The following ESRRB variants were observed in gnomAD, a reference collection of about 807,000 sequenced individuals.
The protein encoded by ESRRB is steroid hormone receptor ERR2.
ESRRB carries 16 observed loss-of-function variants against 46.0 expected under a neutral mutation model. That is an observed-to-expected ratio of 0.35 (90% CI 0.24 to 0.53). The LOEUF (loss-of-function observed/expected upper bound fraction) is 0.53, where lower values mean the gene tolerates loss of function less well. Among genes scored for constraint, ESRRB ranks in the 20% least tolerant of loss-of-function variants. ESRRB has a pLI of 0.93. For missense variants in ESRRB, 488 were observed against 607.4 expected, an observed-to-expected ratio of 0.80 and a Z score of 2.07; for synonymous variants, 246 against 259.6, an observed-to-expected ratio of 0.95 and a Z score of 0.50.
intron 2 of ESRRB, among the ~76,000 whole-genome samples, chr14:76,459,393 G>A (rs111953656): frequency 3.0e-3 from 458 of 152,278 alleles, no homozygotes; most frequent in African/African-American, 0.01. Context: ...GAGAAGGAGC[G>A]CCTCCCCATG....
At chr14:76,320,457 C>G (rs1437586111) in intron 1 of ESRRB, among the ~76,000 whole-genome samples, 2 of 152,208 alleles carry the variant, frequency 1.3e-5, no homozygotes, top group African/African-American at 4.8e-5. Flanking sequence ...TCCTGTGCCC[C>G]CCTGGGCAGT....
intron 3 of ESRRB, among the ~76,000 whole-genome samples, chr14:76,465,293 C>G (rs1368435978): frequency 1.3e-5 from 2 of 152,082 alleles, no homozygotes; most frequent in Non-Finnish European, 2.9e-5. Flanking sequence ...TGGGGGAGGT[C>G]GAGAGGGAAC....
Position 76,482,525 on chromosome 14 carries a change from A to T in ESRRB, c.689-73A>T, listed in dbSNP as rs1889848167. The T allele has an allele frequency of 1.3e-6, 2 of 1,554,888 alleles. No individual in the cohort carries two copies. The highest frequency in any genetic ancestry group is 1.4e-5 in the African/African-American group (1 of 73,756). On this transcript the variant is annotated intron_variant, in intron 4 of 6. Transcript: ENST00000644823. This position sits in a 1 kb window ranked among gnomAD's most constrained non-coding sequence, Gnocchi z 4.3. ...CTTAGGAACCCAACTTTGCTTCCTG[A>T]CCCATCTGAGCCTCCACCCCGGCCC...
In ESRRB at chr14:76,482,480, G is replaced by C. The variant is rs548183617; in HGVS notation, c.689-118G>C. 1.0e-6 allele frequency: 1 copy of C among 1,004,732 alleles called. No individual in the cohort carries two copies. The highest frequency in any genetic ancestry group is 1.5e-6 in the Non-Finnish European group (1 of 652,642). The allele number at this position is 1,004,732 out of a possible 1,614,324, so 62.2% of individuals were successfully genotyped here. A position where few individuals can be genotyped will look rare whatever the true frequency, so the allele number is the denominator to read the frequency against. ...CAGAACAGGAGGGGAGATTATAGCCGCTTTGACCTTCCTGGAGCTCTTAGG... is the reference window on the plus strand; with the variant it reads ...CAGAACAGGAGGGGAGATTATAGCCCCTTTGACCTTCCTGGAGCTCTTAGG... On this transcript the variant is annotated intron_variant, in intron 4 of 6. Transcript: ENST00000644823. This position sits in a 1 kb window ranked among gnomAD's most constrained non-coding sequence, Gnocchi z 4.3.
Position 76,492,876 on chromosome 14 carries a change from G to C in ESRRB, c.1120+1160G>C, listed in dbSNP as rs180838457. Among the ~76,000 whole-genome samples, 835 of 152,344 alleles carry C rather than the reference G, an allele frequency of 5.5e-3. 3 individuals are homozygous for C. Among genetic ancestry groups the C allele is most frequent in the Non-Finnish European group, 7.9e-3 (535 of 68,034 alleles). On this transcript the variant is annotated intron_variant, in intron 6 of 6. Transcript: ENST00000644823. The stretch of plus-strand genomic sequence containing the variant: ...TGAATGTAACCAACATCCACACTTA[G>C]AGAGCTTCCACACTATTCAGGGAAT...
chr14:76,436,230 G>A (rs543163056), intron 1 of ESRRB, among the ~76,000 whole-genome samples: 301 of 152,354 alleles, frequency 2.0e-3, no homozygotes, highest in South Asian at 7.5e-3. Context: ...GACGGGTGCA[G>A]GGAGGCAGTT....
intron 1 of ESRRB, among the ~76,000 whole-genome samples, chr14:76,337,515 T>C (rs908595913): frequency 6.6e-6 from 1 of 152,054 alleles, no homozygotes; most frequent in African/African-American, 2.4e-5. Flanking sequence ...GTGGAATCCA[T>C]AGAACCTTCT....
Position 76,332,975 on chromosome 14 carries a change from T to TTTATATATTATATATTTA in ESRRB, c.2+22059_2+22060insTTATATATTATATATTTA, listed in dbSNP as rs1199067026. Among the ~76,000 whole-genome samples the TTTATATATTATATATTTA allele has an allele frequency of 2.3e-4, 10 of 43,672 alleles. 1 individual carries two copies. Among genetic ancestry groups the TTTATATATTATATATTTA allele is most frequent in the Admixed American group, 4.7e-4 (1 of 2,136 alleles). 28.7% of individuals were successfully genotyped at this position (43,672 alleles called of 152,430 possible). On this transcript the variant is annotated intron_variant, in intron 1 of 6. Coordinates refer to the ESRRB transcript ENST00000512784. ...ATATTTACATTATATATATTATATA[T>TTTATATATTATATATTTA]CTATATATTATATATTTACATTATA...
chr14:76,455,573 C>A (rs1888571608), intron 2 of ESRRB, among the ~76,000 whole-genome samples: 1 of 152,230 alleles, frequency 6.6e-6, no homozygotes. Context: ...TGGATCCTAC[C>A]TCTTCCTCTT....
chr14:76,461,374 G>A (rs916921366), intron 2 of ESRRB, among the ~76,000 whole-genome samples: 10 of 152,176 alleles, frequency 6.6e-5, no homozygotes, highest in East Asian at 1.9e-4. Flanking sequence ...TCTATATTGC[G>A]GGGGCTGTGC....
intron 3 of ESRRB, among the ~76,000 whole-genome samples, chr14:76,468,463 G>A (rs1566602962): frequency 7.4e-6 from 1 of 134,904 alleles, no homozygotes; most frequent in East Asian, 2.2e-4. Context: ...GATCTTCCCA[G>A]GCACCCTGAA....
rs191957352 is a variant in ESRRB, at chr14:76,319,562, T to C, written c.2+8646T>C. 3.1e-3 allele frequency among the ~76,000 whole-genome samples: 474 copies of C among 152,344 alleles called. 1 individual carries two copies. The highest frequency in any genetic ancestry group is 4.2e-3 in the Non-Finnish European group (289 of 68,026). On this transcript the variant is annotated intron_variant, in intron 1 of 6. Coordinates refer to the ESRRB transcript ENST00000512784. Reference sequence around the variant, plus strand: ...TTACTATTTACTCTAGGGCACTCAATTGAGAACACACTCATGTAATGACTC... The same window carrying C: ...TTACTATTTACTCTAGGGCACTCAACTGAGAACACACTCATGTAATGACTC...
rs1566599965 is a variant in ESRRB at position 76,463,441 on chromosome 14, CTT to C, written c.577+782_577+783del. The C allele has an allele frequency of 2.7e-5, 3 of 110,428 alleles. No homozygotes were observed. In the East Asian group the frequency reaches 6.9e-4, roughly 25 times the overall value. The allele number at this position is 110,428 out of a possible 1,614,324, so 6.8% of individuals were successfully genotyped here. A position where few individuals can be genotyped will look rare whatever the true frequency, so the allele number is the denominator to read the frequency against. ...ATTGTGAAATTAGCATCACATGCTT[CTT>C]TGTTTTTTTTTTTTTTTTTTGGAGA... On this transcript the variant is annotated intron_variant, in intron 3 of 6. Coordinates refer to ENST00000644823, the MANE Select transcript of ESRRB (RefSeq NM_001379180.1).
intron 2 of ESRRB, among the ~76,000 whole-genome samples, chr14:76,441,776 G>A: frequency 6.6e-6 from 1 of 152,306 alleles, no homozygotes; most frequent in Admixed American, 6.5e-5. Flanking sequence ...CGATGAGCTG[G>A]TGCCATCCAA....
At chr14:76,374,553 T>C (rs951052398), upstream of ESRRB, among the ~76,000 whole-genome samples, 2 of 152,102 alleles carry the variant, frequency 1.3e-5, no homozygotes, top group Non-Finnish European at 2.9e-5. Context: ...TACAAATCGC[T>C]CCCTGGCTGC....
chr14:76,417,124 G>C lies in ESRRB; in HGVS notation c.51-22217G>C, dbSNP rs1350862082. 2.6e-5 allele frequency among the ~76,000 whole-genome samples: 4 copies of C among 152,102 alleles called. No homozygotes were observed. The East Asian group carries it at 7.7e-4, about 29-fold the overall frequency. The stretch of plus-strand genomic sequence containing the variant: ...AACAATCCAAGCTGGCCAATAGAGT[G>C]AGACTCCATCTCAAAAACAAAAAAA... On this transcript the variant is annotated intron_variant, in intron 1 of 6. Coordinates refer to ENST00000644823, the MANE Select transcript of ESRRB (RefSeq NM_001379180.1).
intron 1 of ESRRB, among the ~76,000 whole-genome samples, chr14:76,332,614 AT>A (rs1280642997): frequency 1.3e-4 from 5 of 39,354 alleles, no homozygotes; most frequent in African/African-American, 6.7e-4. Context: ...ATATTTATAT[AT>A]TATATAAATA....
At chr14:76,484,607 A>C (rs1184238457) in intron 5 of ESRRB, among the ~76,000 whole-genome samples, 1 of 152,062 alleles carries the variant, frequency 6.6e-6, no homozygotes, top group Non-Finnish European at 1.5e-5. Context: ...CTTCTTCCAC[A>C]ACCCCACCCC....
intron 1 of ESRRB, among the ~76,000 whole-genome samples, chr14:76,392,961 GGCCTGTGGCCA>G (rs1180335396): frequency 1.3e-5 from 2 of 152,186 alleles, no homozygotes; most frequent in Non-Finnish European, 2.9e-5. Flanking sequence ...TGGAACCCAG[GGCCTGTGGCCA>G]GCCCTGGGAG....
Sources: gnomAD v4.1 joint callset for allele counts (sites outside exome capture counted in the v4.1 genomes callset) on GRCh38, gnomAD v4.1.1 for gene constraint, Gnocchi (gnomAD v3.1) non-coding constraint, MANE v1.5 for transcripts, NCBI Gene and HGNC (gene_info 2026-07-23, HGNC 2026-07-21) for gene names.